The following PGM2 variants were observed in gnomAD, a reference collection of about 807,000 sequenced individuals.
PGM2 encodes phosphopentomutase.
In PGM2, 57 loss-of-function variants were observed where a neutral mutation model predicts 74.6. The observed-to-expected ratio is 0.76, with a 90% CI of 0.62 to 0.95. The LOEUF (loss-of-function observed/expected upper bound fraction) is 0.95, where lower values mean the gene tolerates loss of function less well. PGM2 is among the 40% of genes least tolerant of loss of function. PGM2 has a pLI of 0.00. For synonymous variants in PGM2, 273 were observed against 260.7 expected, an observed-to-expected ratio of 1.05 and a Z score of -0.46; for missense variants, 706 against 741.9, an observed-to-expected ratio of 0.95 and a Z score of 0.56.
At chr4:37,833,758 C>T (rs1054093546) in intron 2 of PGM2, among the ~76,000 whole-genome samples, 1 of 152,100 alleles carries the variant, frequency 6.6e-6, no homozygotes, top group African/African-American at 2.4e-5. Flanking sequence ...GAATTCTCAG[C>T]ACTTTGCATG....
chr4:37,827,832 G>A (rs776727152), intron 1 of PGM2, among the ~76,000 whole-genome samples: 1 of 152,148 alleles, frequency 6.6e-6, no homozygotes, highest in Non-Finnish European at 1.5e-5. Flanking sequence ...TTGTTTTAAT[G>A]TCCTGCTGTC....
At chr4:37,839,426 T>C (rs916997743) in intron 4 of PGM2, 2 of 387,858 alleles carry the variant, frequency 5.2e-6, no homozygotes, top group Admixed American at 6.4e-5. Flanking sequence ...CTCAGTGTTT[T>C]CCTCAATGTT....
intron 3 of PGM2, 36 bp from the exon 4 acceptor site, chr4:37,837,493 A>C: frequency 7.8e-7 from 1 of 1,279,234 alleles, no homozygotes; most frequent in Non-Finnish European, 1.1e-6. Context: ...TGATCACTCA[A>C]CTCTCCTTTT....
chr4:37,847,487 C>T, intron 10 of PGM2, 192 bp downstream of exon 10: 1 of 545,018 alleles, frequency 1.8e-6, no homozygotes. Flanking sequence ...TTAAAAACAA[C>T]TAAGTCATTC....
intron 4 of PGM2, among the ~76,000 whole-genome samples, chr4:37,838,701 A>G (rs1027253634): frequency 2.6e-5 from 4 of 152,192 alleles, no homozygotes; most frequent in Non-Finnish European, 5.9e-5. Context: ...TCATTGTTTG[A>G]TGGAAAAATT....
chr4:37,861,382 C>CT (rs1370676740), intron 13 of PGM2, 128 bp from the exon 14 acceptor site: 17 of 621,808 alleles, frequency 2.7e-5, no homozygotes, highest in South Asian at 4.6e-5. Flanking sequence ...CTGGAGTTCT[C>CT]TTTTTTTTCC....
rs60423053 is a variant in PGM2, at chr4:37,839,111, A to AT, written c.442-713dup. On this transcript the variant is annotated intron_variant, in intron 4 of 13. Coordinates refer to ENST00000381967, the MANE Select transcript of PGM2 (RefSeq NM_018290.4). ...GTAAGAGCATTCTCCATTCCCTCAA[A>AT]TTTTTTTTTTTTTTTTTTTTTTTTG... Among the ~76,000 whole-genome samples, 858 of 94,526 alleles carry AT rather than the reference A, an allele frequency of 9.1e-3. 7 individuals carry two copies. The highest frequency in any genetic ancestry group is 0.02 in the African/African-American group (481 of 24,550). The allele number at this position is 94,526 out of a possible 152,430, so 62.0% of individuals were successfully genotyped here. A position where few individuals can be genotyped will look rare whatever the true frequency, so the allele number is the denominator to read the frequency against.
chr4:37,839,553 C>A, intron 4 of PGM2: 1 of 537,016 alleles, frequency 1.9e-6, no homozygotes. Flanking sequence ...GAGGCTTAGA[C>A]CATCGTTGTG....
rs1271644527 is a variant in PGM2, at chr4:37,862,867, A to T, written c.*1255A>T. ...TACAAACTGCTTTATTGTAGAAGCC[A>T]TATTTATGTTTATTTTATAATGTTT... is the stretch of plus-strand genomic sequence containing the variant. On this transcript the variant is annotated 3_prime_UTR_variant, in exon 14 of 14. Transcript: ENST00000381967. 1 of 152,078 alleles carries T rather than the reference A, an allele frequency of 6.6e-6. No homozygotes were observed. Among genetic ancestry groups the T allele is most frequent in the Admixed American group, 6.6e-5 (1 of 15,220 alleles). The allele number at this position is 152,078 out of a possible 1,614,324, so 9.4% of individuals were successfully genotyped here.
At chr4:37,850,021 C>CT (rs1725993776) in intron 11 of PGM2, among the ~76,000 whole-genome samples, 163 bp from the exon 12 acceptor site, 1 of 152,076 alleles carries the variant, frequency 6.6e-6, no homozygotes, top group Non-Finnish European at 1.5e-5. Flanking sequence ...CTCCTGACCT[C>CT]AGGTGATCTG....
rs1286716992 is a variant in PGM2 at position 37,839,799 on chromosome 4, G to A, written c.442-49G>A. ...TAAAATAGACATTTTAAGAATATCT[G>A]GTTATTTTCGTTAAAAACTGTTTGT... On this transcript the variant is annotated intron_variant, in intron 4 of 13. Transcript: ENST00000381967. 7.0e-6 allele frequency: 7 copies of A among 1,006,798 alleles called. No homozygotes were observed. In the East Asian group the frequency reaches 1.7e-4, roughly 24 times the overall value. 62.4% of individuals were successfully genotyped at this position (1,006,798 alleles called of 1,614,324 possible).
At position 37,850,347 on chromosome 4, in the gene PGM2, GAT is replaced by G; in HGVS notation, c.1577_1578del (p.Asp526GlyfsTer2). 6.4e-7 allele frequency: 1 copy of G among 1,558,120 alleles called. No homozygotes were observed. Among genetic ancestry groups the G allele is most frequent in the Non-Finnish European group, 8.6e-7 (1 of 1,160,024 alleles). ...CATTAGGGACCTTACAACTGGCTAT[GAT>G]GATAGCCAACCTGATAAAAAAGCTG... ...SAIRDLTTGY[D>X]DSQPDKKAVL... On this transcript the variant is annotated frameshift_variant, in exon 12 of 14. Coordinates refer to ENST00000381967, the MANE Select transcript of PGM2 (RefSeq NM_018290.4). LOFTEE classifies it high-confidence loss of function.
intron 1 of PGM2, among the ~76,000 whole-genome samples, chr4:37,827,242 C>G (rs1309256263): frequency 6.6e-6 from 1 of 152,218 alleles, no homozygotes; most frequent in Admixed American, 6.5e-5. Flanking sequence ...CCGCTGAGAC[C>G]TTTGCAGAGC....
intron 2 of PGM2, among the ~76,000 whole-genome samples, chr4:37,831,459 G>A (rs2152174492): frequency 6.6e-6 from 1 of 152,288 alleles, no homozygotes; most frequent in South Asian, 2.1e-4. Flanking sequence ...TGCAATTTTG[G>A]TAGAACTCAG....
chr4:37,841,188 G>GTGTGTGTGTGT (rs60419379), intron 6 of PGM2, among the ~76,000 whole-genome samples: 7 of 141,226 alleles, frequency 5.0e-5, no homozygotes, highest in East Asian at 2.1e-4. Context: ...GTGTGTGTGT[G>GTGTGTGTGTGT]GTTTGTTCTG....
chr4:37,856,168 G>T (rs1037650918), intron 13 of PGM2, among the ~76,000 whole-genome samples: 1 of 151,786 alleles, frequency 6.6e-6, no homozygotes, highest in African/African-American at 2.4e-5. Flanking sequence ...GGCGGATCAC[G>T]AGGTCAGGAG....
intron 12 of PGM2, among the ~76,000 whole-genome samples, chr4:37,853,927 G>C (rs1726118094): frequency 6.6e-6 from 1 of 152,196 alleles, no homozygotes; most frequent in African/African-American, 2.4e-5. Flanking sequence ...AAGGAACCGG[G>C]ATGGTCTAAG....
chr4:37,829,007 TTTAA>T (rs1725369036), intron 1 of PGM2, among the ~76,000 whole-genome samples: 1 of 152,244 alleles, frequency 6.6e-6, no homozygotes, highest in Non-Finnish European at 1.5e-5. Flanking sequence ...TATTTCAAAG[TTTAA>T]TTAAATGGCC....
intron 7 of PGM2, 100 bp from the exon 8 acceptor site, chr4:37,845,533 G>A: frequency 3.8e-6 from 3 of 787,688 alleles, no homozygotes; most frequent in Non-Finnish European, 6.5e-6. Context: ...TTCTAAGAGG[G>A]GAAAGACCTC....
Sources: allele counts gnomAD v4.1 joint callset (sites outside exome capture counted in the v4.1 genomes callset), GRCh38; gene constraint gnomAD v4.1.1; transcripts MANE v1.5; gene names NCBI Gene and HGNC (gene_info 2026-07-23, HGNC 2026-07-21).